Variants in ME2 observed in about 807,000 individuals in gnomAD.
ME2 encodes malic enzyme 2, also known as NAD-dependent malic enzyme, mitochondrial.
In ME2, 60 loss-of-function variants were observed where a neutral mutation model predicts 73.7. That is an observed-to-expected ratio of 0.81 (90% CI 0.66 to 1.01). The LOEUF is 1.01. ME2 is among the 50% of genes least tolerant of loss of function. The pLI is 0.00. For synonymous variants in ME2, 199 were observed against 236.9 expected, an observed-to-expected ratio of 0.84 and a Z score of 1.47; for missense variants, 594 against 705.5, an observed-to-expected ratio of 0.84 and a Z score of 1.79.
At chr18:50,895,050 A>G (rs908993894) in intron 1 of ME2, among the ~76,000 whole-genome samples, 25 of 151,934 alleles carry the variant, frequency 1.6e-4, no homozygotes, top group African/African-American at 5.8e-4. Context: ...AAAAAACTTC[A>G]CAGCATAATA....
In ME2 at chr18:50,920,726, G is replaced by C; in HGVS notation, c.910G>C (p.Glu304Gln). Reference sequence around the variant, plus strand: ...AAAAGTTATTAGTAAACCAATCTCCGAACACAAAATCTTATTCCTTGGAGC... The same window carrying C: ...AAAAGTTATTAGTAAACCAATCTCCCAACACAAAATCTTATTCCTTGGAGC... ...AQKVISKPIS[E>Q]HKILFLGAGE... The change falls in exon 9 of 16, where the codon GAA (glutamate) becomes CAA (glutamine). Residue 304 changes from glutamate to glutamine, a missense_variant. Glu to Gln is a conservative substitution (Grantham distance 29). Transcript: ENST00000321341. The C allele has an allele frequency of 6.2e-7, 1 of 1,611,648 alleles. No homozygotes were observed. Among genetic ancestry groups the C allele is most frequent in the African/African-American group, 1.3e-5 (1 of 74,920 alleles).
At chr18:50,929,263 G>C (rs1917636661) in intron 12 of ME2, among the ~76,000 whole-genome samples, 1 of 151,136 alleles carries the variant, frequency 6.6e-6, no homozygotes, top group South Asian at 2.1e-4. Context: ...CAGACCACTT[G>C]AGGCCAGGAG....
At position 50,953,501 on chromosome 18, in the gene ME2, T is replaced by C. The variant is rs1432820159; in HGVS notation, c.*6317T>C. On this transcript the variant is annotated 3_prime_UTR_variant, in exon 16 of 16. Transcript: ENST00000321341. ...CATTTAGTCTTCAGCATTTTAAGTA[T>C]TCGACACGAACATTAAAGATTTGGT... The C allele has an allele frequency of 6.6e-6, 1 of 152,234 alleles. No homozygotes were observed. The highest frequency in any genetic ancestry group is 1.5e-5 in the Non-Finnish European group (1 of 68,050). The allele number at this position is 152,234 out of a possible 1,614,324, so 9.4% of individuals were successfully genotyped here. A position where few individuals can be genotyped will look rare whatever the true frequency, so the allele number is the denominator to read the frequency against.
At position 50,912,856 on chromosome 18, in the gene ME2, C is replaced by T. The variant is rs1457001301; in HGVS notation, c.298C>T (p.Leu100=). The T allele has an allele frequency of 6.2e-7, 1 of 1,608,088 alleles. No homozygotes were observed. ...ERNEKLFYRI[L]QDDIESLMPI... is the part of the protein sequence containing the mutation. ...AAATGAGAAATTGTTTTATAGAATACTGCAAGATGACATTGAGAGTTTAAT... is the reference window on the plus strand; with the variant it reads ...AAATGAGAAATTGTTTTATAGAATATTGCAAGATGACATTGAGAGTTTAAT... The change falls in exon 4 of 16, where the codon CTG becomes TTG. Residue 100 remains leucine, a synonymous_variant. Coordinates refer to ENST00000321341, the MANE Select transcript of ME2 (RefSeq NM_002396.5).
At chr18:50,902,795 A>C (rs1369950763) in intron 2 of ME2, among the ~76,000 whole-genome samples, 1 of 152,224 alleles carries the variant, frequency 6.6e-6, no homozygotes, top group Non-Finnish European at 1.5e-5. Context: ...CACTGGGAAA[A>C]GTATACTATA....
intron 1 of ME2, among the ~76,000 whole-genome samples, chr18:50,895,104 A>G (rs1325816780): frequency 6.6e-6 from 1 of 152,126 alleles, no homozygotes; most frequent in Non-Finnish European, 1.5e-5. Context: ...TAAGCATTTC[A>G]AATTCTGATT....
chr18:50,920,322 T>C, intron 7 of ME2, 134 bp from the exon 8 acceptor site: 2 of 617,768 alleles, frequency 3.2e-6, no homozygotes, highest in African/African-American at 2.0e-5. Context: ...TCACAGGCTC[T>C]GAAATTTTTC....
chr18:50,902,901 G>A (rs1916925883), intron 2 of ME2, among the ~76,000 whole-genome samples: 1 of 152,178 alleles, frequency 6.6e-6, no homozygotes, highest in African/African-American at 2.4e-5. Context: ...TGGCTGATGA[G>A]ACTCCCAGCT....
intron 1 of ME2, among the ~76,000 whole-genome samples, chr18:50,884,630 G>A (rs1451190814): frequency 2.6e-5 from 4 of 152,206 alleles, no homozygotes; most frequent in African/African-American, 9.6e-5. Context: ...ACAGGCGTGA[G>A]CCACTGCGCC....
chr18:50,917,777 G>A (rs1198091258), intron 6 of ME2, among the ~76,000 whole-genome samples: 1 of 152,036 alleles, frequency 6.6e-6, no homozygotes, highest in Non-Finnish European at 1.5e-5. Flanking sequence ...TTCGAGACCA[G>A]CCTGGCCAAC....
At chr18:50,913,601 G>A (rs2144226185) in intron 4 of ME2, among the ~76,000 whole-genome samples, 1 of 152,064 alleles carries the variant, frequency 6.6e-6, no homozygotes, top group Admixed American at 6.6e-5. Context: ...CCAAAGTGCT[G>A]GGATTTACAG....
chr18:50,910,955 G>A (rs565771948), intron 3 of ME2, among the ~76,000 whole-genome samples: 4 of 152,344 alleles, frequency 2.6e-5, no homozygotes, highest in South Asian at 2.1e-4. Flanking sequence ...GAAGGATGAC[G>A]AAGTGAGGGC....
Position 50,947,335 on chromosome 18 carries a change from G to C in ME2, c.*151G>C. On this transcript the variant is annotated 3_prime_UTR_variant, in exon 16 of 16. Coordinates refer to ENST00000321341, the MANE Select transcript of ME2 (RefSeq NM_002396.5). ...ATTTTTTCCATGCGTCTCCACATCTGTTGGGGTAGACGTGTTGATTGATTG... is the reference window on the plus strand; with the variant it reads ...ATTTTTTCCATGCGTCTCCACATCTCTTGGGGTAGACGTGTTGATTGATTG... 1.5e-6 allele frequency: 1 copy of C among 689,424 alleles called. No individual in the cohort carries two copies. The highest frequency in any genetic ancestry group is 2.9e-5 in the Admixed American group (1 of 34,376). 42.7% of individuals were successfully genotyped at this position (689,424 alleles called of 1,614,324 possible).
At chr18:50,889,947 G>A (rs1207491394) in intron 1 of ME2, among the ~76,000 whole-genome samples, 1 of 152,154 alleles carries the variant, frequency 6.6e-6, no homozygotes, top group Non-Finnish European at 1.5e-5. Flanking sequence ...ATTTGGGGAA[G>A]CCTGTTAATT....
chr18:50,946,744 T>C (rs979126828), intron 15 of ME2, among the ~76,000 whole-genome samples: 3 of 152,214 alleles, frequency 2.0e-5, no homozygotes, highest in African/African-American at 7.2e-5. Context: ...AGGCCACTCT[T>C]TCAGCAAGAC....
intron 10 of ME2, 63 bp from the exon 11 acceptor site, chr18:50,924,035 C>A: frequency 1.9e-6 from 2 of 1,025,712 alleles, no homozygotes; most frequent in Non-Finnish European, 1.5e-6. Context: ...ATAATGATGT[C>A]TTTTTATTTC....
intron 10 of ME2, among the ~76,000 whole-genome samples, chr18:50,923,325 TAA>T (rs1917471929): frequency 6.6e-6 from 1 of 151,984 alleles, no homozygotes; most frequent in Non-Finnish European, 1.5e-5. Context: ...TGACTCAAAC[TAA>T]TAAGAAGCTC....
chr18:50,890,337 C>T (rs1406283372), intron 1 of ME2, among the ~76,000 whole-genome samples: 1 of 152,106 alleles, frequency 6.6e-6, no homozygotes, highest in Non-Finnish European at 1.5e-5. Context: ...TAGTCTCGAA[C>T]TCCTGAGCTC....
At chr18:50,885,309 C>G (rs1030082031) in intron 1 of ME2, among the ~76,000 whole-genome samples, 2 of 152,130 alleles carry the variant, frequency 1.3e-5, no homozygotes, top group Non-Finnish European at 2.9e-5. Context: ...TTGCTTGAGG[C>G]CAAGAGTTCA....
Sources: allele counts gnomAD v4.1 joint callset (sites outside exome capture counted in the v4.1 genomes callset), GRCh38; gene constraint gnomAD v4.1.1; transcripts MANE v1.5; gene names NCBI Gene and HGNC (gene_info 2026-07-23, HGNC 2026-07-21).